The following TBL3 variants were observed in gnomAD, a reference collection of about 807,000 sequenced individuals.
The protein encoded by TBL3 is transducin beta like 3, also known as transducin beta-like protein 3.
TBL3 carries 71 observed loss-of-function variants against 102.7 expected under a neutral mutation model. The observed-to-expected ratio is 0.69, with a 90% confidence interval of 0.57 to 0.84. TBL3 has a LOEUF of 0.84. TBL3 is among the 40% of genes least tolerant of loss of function. The pLI, the probability that TBL3 is intolerant of heterozygous loss-of-function variation, is 0.00. For missense variants in TBL3, 1,188 were observed against 1,098.5 expected (o/e 1.08, Z -1.15); for synonymous variants, 578 against 477.7 (o/e 1.21, Z -2.74).
At chr16:1,976,447 G>T in intron 13 of TBL3, 133 bp downstream of exon 13, 1 of 768,218 alleles carries the variant, frequency 1.3e-6, no homozygotes, top group Non-Finnish European at 2.2e-6. Flanking sequence ...CAAAGATGTG[G>T]AACAGAACAG....
chr16:1,977,931 C>T (rs2083417640), intron 18 of TBL3, 27 bp from the exon 19 acceptor site: 1 of 1,589,794 alleles, frequency 6.3e-7, no homozygotes, highest in South Asian at 1.1e-5. Context: ...CAGCGGCCCT[C>T]AGTGGCCTCT....
intron 1 of TBL3, 87 bp from the exon 2 acceptor site, chr16:1,973,969 C>T: frequency 7.2e-7 from 1 of 1,381,610 alleles, no homozygotes; most frequent in Non-Finnish European, 9.5e-7. Flanking sequence ...CCATTGGGGT[C>T]ACTTGGAGAG....
At position 1,979,568 on chromosome 16, in the gene TBL3, A is replaced by G. The variant is rs773012014; in HGVS notation, c.*883A>G. ...CTGGTGGGAGTGGGTGTTTGGAGTC[A>G]CCGCGGGGCCACAGAGGACGAGGCC... is the stretch of plus-strand genomic sequence containing the variant. On this transcript the variant is annotated 3_prime_UTR_variant, in exon 22 of 22. Transcript: ENST00000568546. 3 of 1,575,140 alleles carry G rather than the reference A, an allele frequency of 1.9e-6. No homozygotes were observed. The South Asian group carries it at 3.4e-5, about 18-fold the overall frequency.
Position 1,977,041 on chromosome 16 carries a change from C to A in TBL3, c.1441-13C>A. ...TGGGGGATTGCTGAGCCACCACCTT[C>A]TCCCATTGCCAGGACATCAACAGCG... On this transcript the variant is annotated splice_polypyrimidine_tract_variant and intron_variant, in intron 14 of 21. Coordinates refer to ENST00000568546, the MANE Select transcript of TBL3 (RefSeq NM_006453.3). 4 of 1,612,982 alleles carry A rather than the reference C, an allele frequency of 2.5e-6. No homozygotes were observed. Among genetic ancestry groups the A allele is most frequent in the Non-Finnish European group, 3.4e-6 (4 of 1,179,620 alleles).
Position 1,977,622 on chromosome 16 carries a change from C to T in TBL3, c.1851C>T (p.Asp617=), listed in dbSNP as rs116966818. 6.8e-4 allele frequency: 1,053 copies of T among 1,555,022 alleles called. 29 individuals carry two copies. In the East Asian group the frequency reaches 0.023, roughly 34 times the overall value. ...KVWGLHCSRL[D]DHALTGASDS... ...GGGGGCTGCACTGCAGCCGGCTGGACGACCACGCCCTCACTGGGGCCAGTG... is the reference window on the plus strand; with the variant it reads ...GGGGGCTGCACTGCAGCCGGCTGGATGACCACGCCCTCACTGGGGCCAGTG... Residue 617 remains aspartate (D), a synonymous_variant, in exon 17 of 22, where the codon GAC becomes GAT. Coordinates refer to ENST00000568546, the MANE Select transcript of TBL3 (RefSeq NM_006453.3).
Position 1,980,791 on chromosome 16 carries a change from G to A in TBL3, c.*2106G>A, listed in dbSNP as rs2083492673. ...GCCCACTGTGCACCCTTGAGAGGGC[G>A]GGGTCCCTCACCCGGATGGCAGGGG... On this transcript the variant is annotated 3_prime_UTR_variant, in exon 22 of 22. Coordinates refer to ENST00000568546, the MANE Select transcript of TBL3 (RefSeq NM_006453.3). The A allele has an allele frequency of 1.3e-6, 2 of 1,518,704 alleles. No homozygotes were observed. Among genetic ancestry groups the A allele is most frequent in the Non-Finnish European group, 1.8e-6 (2 of 1,113,300 alleles). The allele number at this position is 1,518,704 out of a possible 1,614,324, so 94.1% of individuals were successfully genotyped here.
Position 1,981,145 on chromosome 16 carries a change from C to G in TBL3, c.*2460C>G. ...CCTCTTGATCTGCACCAGGGCTGCC[C>G]CTTGCACTGAAACTGGGTATCGGGG... On this transcript the variant is annotated 3_prime_UTR_variant, in exon 22 of 22. Transcript: ENST00000568546. 6.2e-7 allele frequency: 1 copy of G among 1,613,572 alleles called. No individual in the cohort carries two copies. Among genetic ancestry groups the G allele is most frequent in the African/African-American group, 1.3e-5 (1 of 75,046 alleles).
Position 1,980,301 on chromosome 16 carries a change from C to G in TBL3, c.*1616C>G, listed in dbSNP as rs2083476240. The G allele has an allele frequency of 1.9e-6, 3 of 1,541,300 alleles. No individual in the cohort carries two copies. The highest frequency in any genetic ancestry group is 2.6e-6 in the Non-Finnish European group (3 of 1,146,758). ...TGCCCCTATTCGCTGGCTGTTCCCC[C>G]CCACCCTGGACCTCTCCCAGCTCCA... On this transcript the variant is annotated 3_prime_UTR_variant, in exon 22 of 22. Transcript: ENST00000568546.
Position 1,979,388 on chromosome 16 carries a change from C to CGGCTA in TBL3, c.*705_*709dup. 6.3e-7 allele frequency: 1 copy of CGGCTA among 1,595,770 alleles called. No individual in the cohort carries two copies. Among genetic ancestry groups the CGGCTA allele is most frequent in the Non-Finnish European group, 8.5e-7 (1 of 1,175,842 alleles). On this transcript the variant is annotated 3_prime_UTR_variant, in exon 22 of 22. Transcript: ENST00000568546. The stretch of plus-strand genomic sequence containing the variant: ...GGTGTGGTTAGGGCCCCGCCCGCCT[C>CGGCTA]GGCTAGCCTGCCCTGCCCACGCCCG...
Position 1,981,316 on chromosome 16 carries a change from G to T in TBL3, c.*2631G>T. On this transcript the variant is annotated 3_prime_UTR_variant, in exon 22 of 22. Transcript: ENST00000568546. ...AACACCTCAAGCCTGTGGGGTCCTT[G>T]TGGAGCCGCCCCAGCTGAGTCCTTT... The T allele has an allele frequency of 1.4e-6, 2 of 1,459,206 alleles. No individual in the cohort carries two copies. The highest frequency in any genetic ancestry group is 1.8e-6 in the Non-Finnish European group (2 of 1,107,904). The allele number at this position is 1,459,206 out of a possible 1,614,324, so 90.4% of individuals were successfully genotyped here. A position where few individuals can be genotyped will look rare whatever the true frequency, so the allele number is the denominator to read the frequency against.
At position 1,980,330 on chromosome 16, in the gene TBL3, G is replaced by A. The variant is rs8050552; in HGVS notation, c.*1645G>A. On this transcript the variant is annotated 3_prime_UTR_variant, in exon 22 of 22. Transcript: ENST00000568546. ...CCCTGGACCTCTCCCAGCTCCAAACGCCGCTGCATGCTGGGAGTTTGGGGC... is the reference window on the plus strand; with the variant it reads ...CCCTGGACCTCTCCCAGCTCCAAACACCGCTGCATGCTGGGAGTTTGGGGC... 2.5e-6 allele frequency: 4 copies of A among 1,580,600 alleles called. No homozygotes were observed. The highest frequency in any genetic ancestry group is 2.6e-6 in the Non-Finnish European group (3 of 1,168,068).
intron 14 of TBL3, 33 bp from the exon 15 acceptor site, chr16:1,977,021 G>A: frequency 6.2e-7 from 1 of 1,612,408 alleles, no homozygotes; most frequent in Non-Finnish European, 8.5e-7. Context: ...GAAGATGGGG[G>A]ATTGCTGAGC....
Position 1,974,603 on chromosome 16 carries a change from C to T in TBL3, c.303C>T (p.Thr101=), listed in dbSNP as rs1193361262. 7.4e-6 allele frequency: 12 copies of T among 1,611,798 alleles called. No homozygotes were observed. The highest frequency in any genetic ancestry group is 9.3e-6 in the Non-Finnish European group (11 of 1,178,890). ...GGGCCTGGCAAGAGGGCAGCGTTACCCGCCTGTGGAAGGCGATACACACGG... is the reference window on the plus strand; with the variant it reads ...GGGCCTGGCAAGAGGGCAGCGTTACTCGCCTGTGGAAGGCGATACACACGG... ...AQWAWQEGSV[T]RLWKAIHTAP... is the part of the protein sequence containing the mutation. Residue 101 remains threonine, a synonymous_variant, in exon 5 of 22, where the codon ACC becomes ACT. Coordinates refer to ENST00000568546, the MANE Select transcript of TBL3 (RefSeq NM_006453.3).
rs776128511 is a variant in TBL3 at position 1,980,171 on chromosome 16, G to A, written c.*1486G>A. On this transcript the variant is annotated 3_prime_UTR_variant, in exon 22 of 22. Transcript: ENST00000568546. Reference sequence around the variant, plus strand: ...AGAGGCTGCTCCTCTGGGGTGGGCAGGATCACCCGGCTGGGAAGGGCAGCC... The same window carrying A: ...AGAGGCTGCTCCTCTGGGGTGGGCAAGATCACCCGGCTGGGAAGGGCAGCC... 1.3e-6 allele frequency: 2 copies of A among 1,599,946 alleles called. No homozygotes were observed. Among genetic ancestry groups the A allele is most frequent in the African/African-American group, 2.7e-5 (2 of 74,830 alleles).
In TBL3 at chr16:1,975,064, C is replaced by T. The variant is rs2150882967; in HGVS notation, c.601C>T (p.Leu201=). ...LTAHYSAVTS[L]AFSADGHTML... Reference sequence around the variant, plus strand: ...TGCCCACTACAGCGCCGTCACCTCACTGGCCTTCAGCGCCGACGGCCACAC... The same window carrying T: ...TGCCCACTACAGCGCCGTCACCTCATTGGCCTTCAGCGCCGACGGCCACAC... The change falls in exon 7 of 22, where the codon CTG becomes TTG. Residue 201 remains leucine, a synonymous_variant. Transcript: ENST00000568546. The T allele has an allele frequency of 2.5e-6, 4 of 1,609,160 alleles. No homozygotes were observed. Among genetic ancestry groups the T allele is most frequent in the Non-Finnish European group, 3.4e-6 (4 of 1,179,996 alleles).
In TBL3 at chr16:1,980,130, G is replaced by GC. The variant is rs2083471416; in HGVS notation, c.*1448dup. 1 of 1,606,368 alleles carries GC rather than the reference G, an allele frequency of 6.2e-7. No individual in the cohort carries two copies. Among genetic ancestry groups the GC allele is most frequent in the African/African-American group, 1.3e-5 (1 of 74,896 alleles). On this transcript the variant is annotated 3_prime_UTR_variant, in exon 22 of 22. Coordinates refer to ENST00000568546, the MANE Select transcript of TBL3 (RefSeq NM_006453.3). ...CCTCCAGACTGTGGATGGAGAGGCG[G>GC]CCCGCAGCGCGAGAAAGAGGCTGCT...
At chr16:1,975,121 A>AG in intron 7 of TBL3, 23 bp downstream of exon 7, 1 of 1,612,660 alleles carries the variant, frequency 6.2e-7, no homozygotes. Flanking sequence ...CCCTGGTAGG[A>AG]GGGGGAGGCT....
At position 1,980,951 on chromosome 16, in the gene TBL3, G is replaced by A. The variant is rs868846058; in HGVS notation, c.*2266G>A. On this transcript the variant is annotated 3_prime_UTR_variant, in exon 22 of 22. Transcript: ENST00000568546. ...CAGGGTCACTCACCTTGAGCTGCCT[G>A]AATTCGTCCCAACTCCTGCGCACGA... is the stretch of plus-strand genomic sequence containing the variant. 6.2e-7 allele frequency: 1 copy of A among 1,612,794 alleles called. No individual in the cohort carries two copies. Among genetic ancestry groups the A allele is most frequent in the Admixed American group, 1.7e-5 (1 of 60,020 alleles).
At chr16:1,973,965 G>C (rs2083378508) in intron 1 of TBL3, 91 bp from the exon 2 acceptor site, 3 of 1,360,434 alleles carry the variant, frequency 2.2e-6, no homozygotes, top group Admixed American at 6.3e-5. Context: ...GGGGCCATTG[G>C]GGTCACTTGG....
Sources: allele counts gnomAD v4.1 joint callset, GRCh38; gene constraint gnomAD v4.1.1; transcripts MANE v1.5; gene names NCBI Gene and HGNC (gene_info 2026-07-23, HGNC 2026-07-21).